Variants in COL14A1 observed in about 807,000 individuals in gnomAD.
COL14A1 encodes collagen type XIV alpha 1 chain.
In COL14A1, 136 loss-of-function variants were observed where a neutral mutation model predicts 230.3. The observed-to-expected ratio is 0.59, with a 90% CI of 0.51 to 0.68. COL14A1 has a LOEUF of 0.68. Ranked by LOEUF, COL14A1 falls within the 30% of genes least tolerant of loss-of-function variation. COL14A1 has a pLI of 0.00. For missense variants in COL14A1, 1,976 were observed against 2,215.8 expected (o/e 0.89, Z 2.17); for synonymous variants, 792 against 784.1 (o/e 1.01, Z -0.17).
intron 5 of COL14A1, among the ~76,000 whole-genome samples, chr8:120,172,009 C>A (rs1355469390): frequency 1.3e-5 from 2 of 152,026 alleles, no homozygotes; most frequent in Non-Finnish European, 2.9e-5. Flanking sequence ...ACATTTGCTT[C>A]TTTTTCAAGG....
chr8:120,133,132 C>T (rs930040401), intron 1 of COL14A1, among the ~76,000 whole-genome samples: 2 of 151,574 alleles, frequency 1.3e-5, no homozygotes, highest in Admixed American at 6.6e-5. Flanking sequence ...AGGAGAATGG[C>T]GTGAACCCGG....
chr8:120,344,314 T>C (rs186578830), intron 44 of COL14A1, among the ~76,000 whole-genome samples: 3 of 152,338 alleles, frequency 2.0e-5, no homozygotes, highest in African/African-American at 7.2e-5. Context: ...GAACTGGATT[T>C]ATCAGTTAGC....
intron 40 of COL14A1, among the ~76,000 whole-genome samples, chr8:120,330,122 C>T (rs374864487): frequency 6.6e-5 from 10 of 152,186 alleles, no homozygotes; most frequent in African/African-American, 2.4e-4. Flanking sequence ...CAGAACTCAG[C>T]CATGTGGCTC....
intron 22 of COL14A1, among the ~76,000 whole-genome samples, chr8:120,253,912 G>A (rs970858555): frequency 2.0e-5 from 3 of 152,140 alleles, no homozygotes; most frequent in Admixed American, 1.3e-4. Context: ...TGACAAGAGC[G>A]AGACTCCATC....
chr8:120,350,460 AG>A (rs1296656955), intron 45 of COL14A1, among the ~76,000 whole-genome samples: 1 of 147,602 alleles, frequency 6.8e-6, no homozygotes. Context: ...TAAAGAGTCA[AG>A]ACCCATCAGT....
chr8:120,216,738 A>G lies in COL14A1; in HGVS notation c.1737+248A>G, dbSNP rs143196802. 3.8e-3 allele frequency among the ~76,000 whole-genome samples: 578 copies of G among 152,238 alleles called. 2 individuals are homozygous for G. Among genetic ancestry groups the G allele is most frequent in the Non-Finnish European group, 5.6e-3 (383 of 68,028 alleles). On this transcript the variant is annotated intron_variant, in intron 14 of 47. Coordinates refer to ENST00000297848, the MANE Select transcript of COL14A1 (RefSeq NM_021110.4). ...GAGCTATCTCATGGCATCTTTACTC[A>G]TGTATCTGGTGCCTGGTCTGGGGAG...
At chr8:120,284,957 G>A (rs1053891612) in intron 32 of COL14A1, among the ~76,000 whole-genome samples, 4 of 151,986 alleles carry the variant, frequency 2.6e-5, no homozygotes, top group African/African-American at 9.7e-5. Context: ...AAATTCCATA[G>A]GGCTTTGGAT....
At chr8:120,138,802 A>G (rs911324193) in intron 1 of COL14A1, among the ~76,000 whole-genome samples, 14 of 152,304 alleles carry the variant, frequency 9.2e-5, no homozygotes, top group African/African-American at 2.9e-4. Flanking sequence ...ACACTGGATG[A>G]TACATTAAGC....
chr8:120,340,811 T>C (rs1256602201), intron 42 of COL14A1, among the ~76,000 whole-genome samples: 1 of 152,232 alleles, frequency 6.6e-6, no homozygotes, highest in East Asian at 1.9e-4. Flanking sequence ...GGCATCGTGC[T>C]GCACAGAAAT....
chr8:120,239,805 C>CTTTGT (rs1423437890), intron 19 of COL14A1, among the ~76,000 whole-genome samples: 1 of 148,080 alleles, frequency 6.8e-6, no homozygotes, highest in Admixed American at 6.8e-5. Flanking sequence ...AGGTGAGAGG[C>CTTTGT]TTTGTTTTGT....
At chr8:120,173,702 C>T (rs928676084) in intron 5 of COL14A1, among the ~76,000 whole-genome samples, 49 of 146,810 alleles carry the variant, frequency 3.3e-4, no homozygotes, top group African/African-American at 1.2e-3. Flanking sequence ...ATCTATTTTA[C>T]TGCATCTTAT....
intron 12 of COL14A1, among the ~76,000 whole-genome samples, chr8:120,211,095 A>T (rs1167367260): frequency 7.2e-5 from 11 of 152,180 alleles, no homozygotes; most frequent in African/African-American, 2.7e-4. Flanking sequence ...GGGCATATAG[A>T]TTGGTACAGC....
rs541669121 is a variant in COL14A1 at position 120,369,639 on chromosome 8, A to AT, written c.5311+158dup. ...TCACTTCCTTAAATTATCCCGAGAC[A>AT]TTTTCTATAAAGTGCAAATTGCTAT... On this transcript the variant is annotated intron_variant, in intron 47 of 47. Transcript: ENST00000297848. 4.5e-3 allele frequency among the ~76,000 whole-genome samples: 690 copies of AT among 152,316 alleles called. 5 individuals are homozygous for AT. The highest frequency in any genetic ancestry group is 0.016 in the African/African-American group (658 of 41,572).
At chr8:120,234,377 C>G (rs1315626556) in intron 19 of COL14A1, among the ~76,000 whole-genome samples, 3 of 152,152 alleles carry the variant, frequency 2.0e-5, no homozygotes, top group Non-Finnish European at 4.4e-5. Context: ...GATAGGGCAT[C>G]CTTGTCTTGT....
intron 40 of COL14A1, among the ~76,000 whole-genome samples, chr8:120,318,804 A>G (rs1821328046): frequency 6.6e-6 from 1 of 152,222 alleles, no homozygotes; most frequent in Admixed American, 6.5e-5. Flanking sequence ...ACGCAGGATG[A>G]TGAGACTTAC....
intron 40 of COL14A1, among the ~76,000 whole-genome samples, chr8:120,324,418 C>T (rs1261268136): frequency 6.6e-6 from 1 of 152,092 alleles, no homozygotes; most frequent in Non-Finnish European, 1.5e-5. Context: ...TAGCCTGGGA[C>T]AGTGTTTACA....
chr8:120,192,037 C>T (rs1194335049), intron 5 of COL14A1, among the ~76,000 whole-genome samples: 11 of 151,564 alleles, frequency 7.3e-5, no homozygotes, highest in Non-Finnish European at 1.6e-4. Flanking sequence ...AGCATTTAGT[C>T]CATTTACATT....
At chr8:120,183,909 G>A (rs938133362) in intron 5 of COL14A1, among the ~76,000 whole-genome samples, 4 of 152,036 alleles carry the variant, frequency 2.6e-5, no homozygotes, top group Admixed American at 6.6e-5. Context: ...TGTGATGGGA[G>A]TTGAATGGTT....
intron 45 of COL14A1, among the ~76,000 whole-genome samples, chr8:120,366,477 A>G (rs1257165313): frequency 1.3e-5 from 2 of 152,244 alleles, no homozygotes; most frequent in East Asian, 3.9e-4. Flanking sequence ...TTGGGCCTCA[A>G]TATAGGCGCT....
Sources: gnomAD v4.1 joint callset for allele counts (sites outside exome capture counted in the v4.1 genomes callset) on GRCh38, gnomAD v4.1.1 for gene constraint, MANE v1.5 for transcripts, NCBI Gene and HGNC (gene_info 2026-07-23, HGNC 2026-07-21) for gene names.